PEPD: variants seen among roughly 807,000 people sequenced by gnomAD.
PEPD encodes the protein xaa-Pro dipeptidase.
Under a neutral mutation model 60.7 loss-of-function variants are expected in PEPD, and 53 were observed. The ratio of observed to expected loss-of-function variants is 0.87; its 90% CI spans 0.70 to 1.10. The LOEUF is 1.10. Ranked by LOEUF, PEPD falls within the 50% of genes least tolerant of loss-of-function variation. The pLI is 0.00. For missense variants in PEPD, 711 were observed against 711.9 expected (o/e 1.00, Z 0.01); for synonymous variants, 267 against 284.1 (o/e 0.94, Z 0.60).
chr19:33,476,920 C>T (rs972248231), intron 7 of PEPD, among the ~76,000 whole-genome samples: 8 of 152,178 alleles, frequency 5.3e-5, no homozygotes, highest in Non-Finnish European at 8.8e-5. Flanking sequence ...ACCTCGGCCT[C>T]CCAAAGTGCT....
intron 9 of PEPD, among the ~76,000 whole-genome samples, chr19:33,414,616 T>C (rs1261673708): frequency 1.6e-5 from 2 of 122,956 alleles, no homozygotes; most frequent in East Asian, 5.7e-4. Flanking sequence ...AGGGCAGTCG[T>C]TGCGGCCGCC....
At chr19:33,484,538 T>C (rs983381585) in intron 6 of PEPD, among the ~76,000 whole-genome samples, 2 of 151,672 alleles carry the variant, frequency 1.3e-5, no homozygotes, top group Admixed American at 6.6e-5. Context: ...CGGACACACA[T>C]AGATAGACCC....
At chr19:33,427,153 G>C (rs76674345) in intron 9 of PEPD, among the ~76,000 whole-genome samples, 1,686 of 152,322 alleles carry the variant, frequency 0.011, 25 homozygotes, top group South Asian at 0.071. Flanking sequence ...ATGATGAATG[G>C]GGGTGGCAGT....
In PEPD at chr19:33,401,870, C is replaced by T. The variant is rs1305209476; in HGVS notation, c.819-1G>A. 3.1e-6 allele frequency: 5 copies of T among 1,612,860 alleles called. No homozygotes were observed. The South Asian group carries it at 4.4e-5, about 14-fold the overall frequency. ...ATACTCACCGCCCATGTCGAACAGG[C>T]TGCGGAGAGAGGAAGGCAGGGCAAG... On this transcript the variant is annotated splice_acceptor_variant, in intron 11 of 14. Transcript: ENST00000244137. LOFTEE classifies it high-confidence loss of function.
chr19:33,486,290 A>C (rs1423803733), intron 6 of PEPD, among the ~76,000 whole-genome samples: 1 of 114,530 alleles, frequency 8.7e-6, no homozygotes, highest in African/African-American at 3.3e-5. Context: ...AGGACCTGGC[A>C]ATGAGCACCC....
chr19:33,396,367 G>A (rs1968361483), intron 12 of PEPD, among the ~76,000 whole-genome samples: 1 of 152,010 alleles, frequency 6.6e-6, no homozygotes, highest in Admixed American at 6.5e-5. Context: ...GTGGGCCGGG[G>A]CAGGTGCTGC....
At chr19:33,519,021 T>C (rs946232345) in intron 1 of PEPD, among the ~76,000 whole-genome samples, 11 of 152,006 alleles carry the variant, frequency 7.2e-5, no homozygotes, top group African/African-American at 2.7e-4. Flanking sequence ...GAAAAAGCCA[T>C]GTGGGAGAGC....
In PEPD at chr19:33,464,017, G is replaced by A. The variant is rs951655012; in HGVS notation, c.594C>T (p.Thr198=). ...GGTGGGCCTCGCTGGAGATTTTATT[G>A]GTATAGCGCAGAACCTCCAGCTCCA... ...TDMELEVLRY[T]NKISSEAHRE... The change falls in exon 8 of 15, where the codon ACC becomes ACT. Residue 198 remains threonine (T), a synonymous_variant. Transcript: ENST00000244137. 1.5e-5 allele frequency: 24 copies of A among 1,612,750 alleles called. No homozygotes were observed. The highest frequency in any genetic ancestry group is 2.0e-5 in the Non-Finnish European group (23 of 1,179,164).
chr19:33,494,306 CTTG>C lies in PEPD; in HGVS notation c.394-972_394-970del, dbSNP rs753046843. On this transcript the variant is annotated intron_variant, in intron 4 of 14. Transcript: ENST00000244137. Reference sequence around the variant, plus strand: ...AAACGCAGGGGGAGAGTGAGGAGAACTTGTTGTTGTTTTAACAGCTTGATTGAG... The same window carrying C: ...AAACGCAGGGGGAGAGTGAGGAGAACTTGTTGTTTTAACAGCTTGATTGAG... Among the ~76,000 whole-genome samples the C allele has an allele frequency of 5.3e-5, 8 of 152,284 alleles. No individual in the cohort carries two copies. The East Asian group carries it at 5.8e-4, about 11-fold the overall frequency.
At chr19:33,505,201 G>A (rs1047379878) in intron 3 of PEPD, among the ~76,000 whole-genome samples, 40 of 152,098 alleles carry the variant, frequency 2.6e-4, no homozygotes, top group Admixed American at 2.0e-3. Flanking sequence ...CATTTCCCGC[G>A]GCCCGGCCTG....
At chr19:33,390,173 T>C (rs1405779088) in intron 13 of PEPD, among the ~76,000 whole-genome samples, 2 of 152,234 alleles carry the variant, frequency 1.3e-5, no homozygotes, top group African/African-American at 4.8e-5. Context: ...GTCAGAAGAA[T>C]AGACTCTGAG....
chr19:33,510,773 T>G (rs1970909612), intron 3 of PEPD, among the ~76,000 whole-genome samples: 1 of 152,096 alleles, frequency 6.6e-6, no homozygotes, highest in South Asian at 2.1e-4. Context: ...CCCCTTTTCC[T>G]CTCTATCTAC....
At chr19:33,413,056 G>A (rs537450846) in intron 10 of PEPD, among the ~76,000 whole-genome samples, 3 of 152,278 alleles carry the variant, frequency 2.0e-5, no homozygotes, top group Admixed American at 1.3e-4. Context: ...CCTGCCCCTC[G>A]GCACCATGTG....
At chr19:33,392,544 C>T (rs993485697) in intron 12 of PEPD, among the ~76,000 whole-genome samples, 5 of 152,160 alleles carry the variant, frequency 3.3e-5, no homozygotes, top group African/African-American at 4.8e-5. Flanking sequence ...TGGCCAGGCA[C>T]GTGGCGGGGG....
chr19:33,516,565 C>T (rs1361666946), intron 1 of PEPD, among the ~76,000 whole-genome samples: 1 of 152,026 alleles, frequency 6.6e-6, no homozygotes, highest in African/African-American at 2.4e-5. Flanking sequence ...CCACTGCCCC[C>T]ACAAGCCGTC....
At chr19:33,451,155 C>T (rs1969691669) in intron 9 of PEPD, among the ~76,000 whole-genome samples, 1 of 152,224 alleles carries the variant, frequency 6.6e-6, no homozygotes, top group Admixed American at 6.5e-5. Context: ...AACACCGCTG[C>T]TTTAATAAAG....
intron 3 of PEPD, among the ~76,000 whole-genome samples, chr19:33,502,126 G>A (rs945241110): frequency 3.9e-5 from 6 of 152,156 alleles, no homozygotes; most frequent in Admixed American, 1.3e-4. Flanking sequence ...CAGAGCTTAC[G>A]CAAGGGGAAA....
intron 9 of PEPD, among the ~76,000 whole-genome samples, chr19:33,432,494 G>A (rs1969294785): frequency 6.6e-6 from 1 of 152,190 alleles, no homozygotes; most frequent in Admixed American, 6.5e-5. Flanking sequence ...ACTGCAGACA[G>A]GATGGGGCAG....
intron 9 of PEPD, among the ~76,000 whole-genome samples, chr19:33,417,609 C>T (rs554050717): frequency 2.2e-4 from 33 of 152,232 alleles, no homozygotes; most frequent in Admixed American, 4.6e-4. Context: ...CTATGCCAGT[C>T]GAATGATTTA....
Sources: gnomAD v4.1 joint callset for allele counts (sites outside exome capture counted in the v4.1 genomes callset) on GRCh38, gnomAD v4.1.1 for gene constraint, MANE v1.5 for transcripts, NCBI Gene and HGNC (gene_info 2026-07-23, HGNC 2026-07-21) for gene names.